PODXL: variants seen among roughly 807,000 people sequenced by gnomAD.
PODXL encodes podocalyxin.
A neutral mutation model predicts 48.9 loss-of-function variants in PODXL; 20 were observed. The ratio of observed to expected loss-of-function variants is 0.41; its 90% CI spans 0.29 to 0.59. The LOEUF (loss-of-function observed/expected upper bound fraction) is 0.59. Among genes scored for constraint, PODXL ranks in the 20% least tolerant of loss-of-function variants. The pLI, the probability that PODXL is intolerant of heterozygous loss-of-function variation, is 0.31. For synonymous variants in PODXL, 295 were observed against 287.4 expected (o/e 1.03, Z -0.27); for missense variants, 606 against 675.1 (o/e 0.90, Z 1.13).
intron 1 of PODXL, among the ~76,000 whole-genome samples, chr7:131,542,572 G>A (rs935747741): frequency 4.6e-5 from 7 of 152,254 alleles, no homozygotes; most frequent in East Asian, 1.9e-4. Context: ...CAGGAGGATC[G>A]CTTCAGCCTA....
intron 1 of PODXL, among the ~76,000 whole-genome samples, chr7:131,555,888 C>A (rs192044121): frequency 3.9e-5 from 6 of 152,256 alleles, no homozygotes; most frequent in Non-Finnish European, 7.3e-5. Context: ...TTCCCTCCAA[C>A]ACGAAGGAAA....
intron 1 of PODXL, among the ~76,000 whole-genome samples, chr7:131,555,400 GAA>G (rs2116878950): frequency 6.6e-6 from 1 of 152,342 alleles, no homozygotes; most frequent in East Asian, 1.9e-4. Flanking sequence ...CCCCAAAAGG[GAA>G]AGAGTAACAT....
At chr7:131,542,498 AT>A (rs1435056248) in intron 1 of PODXL, among the ~76,000 whole-genome samples, 2 of 152,116 alleles carry the variant, frequency 1.3e-5, no homozygotes, top group Non-Finnish European at 2.9e-5. Flanking sequence ...TCTACAAATA[AT>A]TTTTAAAATT....
chr7:131,510,122 G>C (rs1242140678), intron 3 of PODXL, 114 bp downstream of exon 3: 1 of 396,716 alleles, frequency 2.5e-6, no homozygotes, highest in South Asian at 1.9e-5. Context: ...TGATCCTAAG[G>C]CTCTTGATCC....
intron 1 of PODXL, among the ~76,000 whole-genome samples, chr7:131,526,739 CTTT>C (rs57935236): frequency 0.018 from 1,663 of 90,500 alleles, 22 homozygotes; most frequent in Middle Eastern, 0.038. Context: ...CTTCCTTACT[CTTT>C]TTTTTTTTTT....
At position 131,506,331 on chromosome 7, in the gene PODXL, A is replaced by T; in HGVS notation, c.1250-10T>A. The T allele has an allele frequency of 6.2e-7, 1 of 1,614,022 alleles. No individual in the cohort carries two copies. Among genetic ancestry groups the T allele is most frequent in the Non-Finnish European group, 8.5e-7 (1 of 1,179,950 alleles). ...TTGGCAGGGAGCTTAGCTGTGGGAG[A>T]GGGAGACGATGCCCAATGGCCCAGC... On this transcript the variant is annotated splice_polypyrimidine_tract_variant and intron_variant, in intron 6 of 8. Coordinates refer to ENST00000378555, the MANE Select transcript of PODXL (RefSeq NM_001018111.3).
At chr7:131,525,180 G>A (rs899832366) in intron 1 of PODXL, among the ~76,000 whole-genome samples, 2 of 152,098 alleles carry the variant, frequency 1.3e-5, no homozygotes, top group African/African-American at 4.8e-5. Context: ...CCAAAGATTT[G>A]CGTACTCCAA....
intron 1 of PODXL, among the ~76,000 whole-genome samples, chr7:131,541,219 C>T (rs1584829341): frequency 6.6e-6 from 1 of 152,146 alleles, no homozygotes; most frequent in African/African-American, 2.4e-5. Flanking sequence ...AAAACTATCA[C>T]CTATCTCTCT....
At chr7:131,552,223 G>T in intron 1 of PODXL, among the ~76,000 whole-genome samples, 1 of 152,262 alleles carries the variant, frequency 6.6e-6, no homozygotes, top group Non-Finnish European at 1.5e-5. Flanking sequence ...CTGGGCCCTG[G>T]AGGTGGTGAT....
chr7:131,543,492 T>C (rs1382725915), intron 1 of PODXL, among the ~76,000 whole-genome samples: 1 of 152,118 alleles, frequency 6.6e-6, no homozygotes. Context: ...AGAGTCATAA[T>C]GTTACAGCTA....
chr7:131,550,787 A>G (rs773088978), intron 1 of PODXL, among the ~76,000 whole-genome samples: 1 of 140,746 alleles, frequency 7.1e-6, no homozygotes, highest in Non-Finnish European at 1.6e-5. Flanking sequence ...ACATGCACGC[A>G]CACACACACA....
At chr7:131,546,725 CAAAAAAAAAAA>C (rs10593482) in intron 1 of PODXL, among the ~76,000 whole-genome samples, 253 of 50,138 alleles carry the variant, frequency 5.0e-3, no homozygotes, top group African/African-American at 0.017. Context: ...GGCCCTGTCT[CAAAAAAAAAAA>C]AAAAAAAAAA....
At position 131,556,364 on chromosome 7, in the gene PODXL, T is replaced by C. The variant is rs1798745826; in HGVS notation, c.-5A>G. Reference sequence around the variant, plus strand: ...GAGCGCCAGCGCGCAGCGCATCGTGTCGTCGCCTCTGGGCCGGGAGCAGGT... The same window carrying C: ...GAGCGCCAGCGCGCAGCGCATCGTGCCGTCGCCTCTGGGCCGGGAGCAGGT... On this transcript the variant is annotated 5_prime_UTR_variant, in exon 1 of 9. Coordinates refer to ENST00000378555, the MANE Select transcript of PODXL (RefSeq NM_001018111.3). 2.8e-6 allele frequency: 4 copies of C among 1,411,392 alleles called. No individual in the cohort carries two copies. The highest frequency in any genetic ancestry group is 1.5e-5 in the African/African-American group (1 of 67,524). The allele number at this position is 1,411,392 out of a possible 1,614,324, so 87.4% of individuals were successfully genotyped here.
At chr7:131,529,709 G>C (rs1274495554) in intron 1 of PODXL, among the ~76,000 whole-genome samples, 1 of 152,094 alleles carries the variant, frequency 6.6e-6, no homozygotes, top group African/African-American at 2.4e-5. Context: ...TGGGAAATGA[G>C]AAGGTCTGAA....
At chr7:131,517,531 A>C (rs1798020294) in intron 1 of PODXL, among the ~76,000 whole-genome samples, 1 of 152,174 alleles carries the variant, frequency 6.6e-6, no homozygotes, top group South Asian at 2.1e-4. Context: ...GCGTTAACAA[A>C]TGACTACAAA....
intron 1 of PODXL, among the ~76,000 whole-genome samples, chr7:131,524,402 A>AGAGAGAGAGAGC: frequency 6.7e-6 from 1 of 149,702 alleles, no homozygotes; most frequent in Admixed American, 6.7e-5. Flanking sequence ...AGAGAGAGAG[A>AGAGAGAGAGAGC]GAGAGAAAAC....
Position 131,511,403 on chromosome 7 carries a change from T to C in PODXL, c.131A>G (p.Lys44Arg). 2 of 1,602,632 alleles carry C rather than the reference T, an allele frequency of 1.2e-6. No homozygotes were observed. The highest frequency in any genetic ancestry group is 1.7e-6 in the Non-Finnish European group (2 of 1,179,902). Residue 44 changes from lysine to arginine, a missense_variant, in exon 2 of 9, where the codon AAA (lysine) becomes AGA (arginine). Transcript: ENST00000378555. Reference sequence around the variant, plus strand: ...ACTGGATGCTGGAGTCGGTGCTGTTTTGTTAGATGAGTCCGTAGTAGTCTG... The same window carrying C: ...ACTGGATGCTGGAGTCGGTGCTGTTCTGTTAGATGAGTCCGTAGTAGTCTG... Reference protein sequence around the residue: ...ATQTTTDSSNKTAPTPASSVT... With the variant: ...ATQTTTDSSNRTAPTPASSVT...
At chr7:131,521,985 C>G (rs1007132251) in intron 1 of PODXL, among the ~76,000 whole-genome samples, 2 of 152,220 alleles carry the variant, frequency 1.3e-5, no homozygotes, top group African/African-American at 2.4e-5. Flanking sequence ...ATTCCTGAAG[C>G]AAAGCAGAGC....
chr7:131,536,754 C>T (rs1044317352), intron 1 of PODXL, among the ~76,000 whole-genome samples: 4 of 152,140 alleles, frequency 2.6e-5, no homozygotes, highest in African/African-American at 9.7e-5. Context: ...CTACTGTGCT[C>T]AGTCAGGAGG....
Sources: allele counts gnomAD v4.1 joint callset (sites outside exome capture counted in the v4.1 genomes callset), GRCh38; gene constraint gnomAD v4.1.1; transcripts MANE v1.5; gene names NCBI Gene and HGNC (gene_info 2026-07-23, HGNC 2026-07-21).